The following SHANK2 variants were observed in gnomAD, a reference collection of about 807,000 sequenced individuals.
SHANK2 encodes the protein SH3 and multiple ankyrin repeat domains protein 2.
Under a neutral mutation model 133.7 loss-of-function variants are expected in SHANK2, and 43 were observed. The ratio of observed to expected loss-of-function variants is 0.32; its 90% CI spans 0.25 to 0.41. The LOEUF is 0.41. SHANK2 is among the 10% of genes least tolerant of loss of function. SHANK2 has a pLI of 1.00. For synonymous variants in SHANK2, 1,017 were observed against 952.8 expected, an observed-to-expected ratio of 1.07 and a Z score of -1.24; for missense variants, 1,994 against 2,235.8, an observed-to-expected ratio of 0.89 and a Z score of 2.18.
In SHANK2 at chr11:70,940,675, A is replaced by G. The variant is rs188646472; in HGVS notation, c.1108-44108T>C. 5.0e-4 allele frequency among the ~76,000 whole-genome samples: 76 copies of G among 152,204 alleles called. No individual in the cohort carries two copies. In the East Asian group the frequency reaches 0.014, roughly 27 times the overall value. The stretch of plus-strand genomic sequence containing the variant: ...AGAGGATAAATTATAACTGCCATAA[A>G]CCATTGTCAAAAGGGGTGACAGCAA... On this transcript the variant is annotated intron_variant, in intron 10 of 25. Coordinates refer to ENST00000601538, the MANE Select transcript of SHANK2 (RefSeq NM_012309.5).
At chr11:70,751,991 G>T (rs1399023808) in intron 14 of SHANK2, among the ~76,000 whole-genome samples, 2 of 151,978 alleles carry the variant, frequency 1.3e-5, no homozygotes, top group African/African-American at 2.4e-5. Flanking sequence ...TAGAAAATAA[G>T]AAATAAAATG....
At chr11:70,519,889 T>C (rs2135923066) in intron 17 of SHANK2, among the ~76,000 whole-genome samples, 1 of 150,630 alleles carries the variant, frequency 6.6e-6, no homozygotes, top group Admixed American at 6.6e-5. Flanking sequence ...ACCACAGGCA[T>C]GCACCACCAT....
chr11:71,088,170 G>A (rs1951444306), intron 8 of SHANK2, among the ~76,000 whole-genome samples: 1 of 152,186 alleles, frequency 6.6e-6, no homozygotes, highest in Admixed American at 6.5e-5. Flanking sequence ...AAGAGATTCT[G>A]CCAGAGACAA....
chr11:70,636,729 T>C (rs1309272753), intron 17 of SHANK2, among the ~76,000 whole-genome samples: 1 of 150,156 alleles, frequency 6.7e-6, no homozygotes, highest in Non-Finnish European at 1.5e-5. Context: ...GGATGCATGA[T>C]GTGTGAATAT....
intron 8 of SHANK2, among the ~76,000 whole-genome samples, chr11:71,084,497 G>A (rs1290243099): frequency 2.0e-5 from 3 of 152,342 alleles, no homozygotes; most frequent in South Asian, 2.1e-4. Context: ...GGCTGTGGCC[G>A]CGCAGGCTCT....
chr11:70,557,765 G>A (rs1335488311), intron 17 of SHANK2, among the ~76,000 whole-genome samples: 2 of 152,274 alleles, frequency 1.3e-5, no homozygotes, highest in South Asian at 2.1e-4. Context: ...CAGTGATCCC[G>A]AGGAGGCTGG....
At chr11:70,579,170 G>A (rs1440646581) in intron 17 of SHANK2, among the ~76,000 whole-genome samples, 1 of 152,210 alleles carries the variant, frequency 6.6e-6, no homozygotes, top group Non-Finnish European at 1.5e-5. Context: ...CTGGCAAGGT[G>A]GCCAAGGGCA....
intron 17 of SHANK2, among the ~76,000 whole-genome samples, chr11:70,527,176 G>C (rs1325660136): frequency 6.6e-6 from 1 of 152,232 alleles, no homozygotes; most frequent in African/African-American, 2.4e-5. Flanking sequence ...AGAGCCCAGA[G>C]ACCTGGTCCT....
intron 6 of SHANK2, among the ~76,000 whole-genome samples, chr11:71,107,248 G>A (rs1180617047): frequency 6.6e-6 from 1 of 152,202 alleles, no homozygotes; most frequent in African/African-American, 2.4e-5. Context: ...AAGGAAGCAC[G>A]CAGGCATTCT....
chr11:70,485,734 G>A lies in SHANK2; in HGVS notation c.4559C>T (p.Ser1520Phe). ...GTCCACATTCTCTCCACCTTCGGAA[G>A]ACAGGGTGGAGATGCTAGACACGGT... ...ISTVSSISTLSSEGGENVDTC... is the reference protein window; with the variant it reads ...ISTVSSISTLFSEGGENVDTC... The change falls in exon 25 of 26, where the codon TCT becomes TTT. Residue 1520 changes from serine (S) to phenylalanine (F), a missense_variant. Coordinates refer to ENST00000601538, the MANE Select transcript of SHANK2 (RefSeq NM_012309.5). This position sits in a 1 kb window ranked among gnomAD's most constrained non-coding sequence, Gnocchi z 5.8. 6.2e-7 allele frequency: 1 copy of A among 1,614,106 alleles called. No individual in the cohort carries two copies. The highest frequency in any genetic ancestry group is 8.5e-7 in the Non-Finnish European group (1 of 1,180,026).
chr11:70,576,802 A>T (rs1554984385), intron 17 of SHANK2, among the ~76,000 whole-genome samples: 1 of 152,202 alleles, frequency 6.6e-6, no homozygotes, highest in Non-Finnish European at 1.5e-5. Context: ...AACAGGTTTC[A>T]TCATACCCTT....
intron 15 of SHANK2, among the ~76,000 whole-genome samples, chr11:70,673,866 C>T (rs746151630): frequency 3.3e-5 from 5 of 152,228 alleles, no homozygotes; most frequent in Non-Finnish European, 7.3e-5. Context: ...ACTGGTGTCA[C>T]CAGAGGGGCA....
rs1555149179 is a variant in SHANK2 at position 70,473,247 on chromosome 11, G to A, written c.5172C>T (p.Ala1724=). The part of the protein sequence containing the change: ...PTEMNKETLP[A]PLSAATASPS... ...GAGAGGCGGTGGCAGCAGACAGGGGGGCGGGCAGGGTCTCTTTGTTCATCT... is the reference window on the plus strand; with the variant it reads ...GAGAGGCGGTGGCAGCAGACAGGGGAGCGGGCAGGGTCTCTTTGTTCATCT... The change falls in exon 26 of 26, where the codon GCC becomes GCT. Residue 1724 remains alanine (A), a synonymous_variant. Transcript: ENST00000601538. This position sits in a 1 kb window ranked among gnomAD's most constrained non-coding sequence, Gnocchi z 5.9. 3 of 1,610,532 alleles carry A rather than the reference G, an allele frequency of 1.9e-6. No homozygotes were observed. The highest frequency in any genetic ancestry group is 1.1e-5 in the South Asian group (1 of 91,044).
chr11:71,068,879 T>C (rs1951103854), intron 9 of SHANK2, among the ~76,000 whole-genome samples: 1 of 150,690 alleles, frequency 6.6e-6, no homozygotes, highest in Non-Finnish European at 1.5e-5. Flanking sequence ...ATCATCATGA[T>C]TACCATCACC....
At chr11:70,648,422 G>T (rs1473620342) in intron 17 of SHANK2, among the ~76,000 whole-genome samples, 1 of 152,240 alleles carries the variant, frequency 6.6e-6, no homozygotes, top group Non-Finnish European at 1.5e-5. Flanking sequence ...TTGTTATGCG[G>T]ACACTGTCTC....
chr11:70,876,588 TACACACAC>T lies in SHANK2; in HGVS notation c.1174+19905_1174+19912del, dbSNP rs3064230. 4.7e-3 allele frequency among the ~76,000 whole-genome samples: 641 copies of T among 135,458 alleles called. 9 individuals carry two copies. Among genetic ancestry groups the T allele is most frequent in the South Asian group, 7.1e-3 (30 of 4,234 alleles). 88.9% of individuals were successfully genotyped at this position (135,458 alleles called of 152,430 possible). On this transcript the variant is annotated intron_variant, in intron 11 of 25. Transcript: ENST00000601538. ...AAAAGAAAAAAAAAGAAAAAAATTATACACACACACACACACACACACGCACACACACA... is the reference window on the plus strand; with the variant it reads ...AAAAGAAAAAAAAAGAAAAAAATTATACACACACACACACGCACACACACA...
intron 12 of SHANK2, among the ~76,000 whole-genome samples, chr11:70,810,718 G>A (rs370648461): frequency 3.9e-5 from 6 of 152,294 alleles, no homozygotes; most frequent in African/African-American, 1.4e-4. Context: ...GTGGTAGAGG[G>A]TGGGGGTAGG....
intron 14 of SHANK2, among the ~76,000 whole-genome samples, chr11:70,788,095 A>G (rs1947708920): frequency 6.6e-6 from 1 of 152,242 alleles, no homozygotes; most frequent in African/African-American, 2.4e-5. Flanking sequence ...ACTCCAGTGC[A>G]TACATGATAT....
At chr11:71,071,804 C>T (rs1951146532) in intron 9 of SHANK2, among the ~76,000 whole-genome samples, 1 of 152,094 alleles carries the variant, frequency 6.6e-6, no homozygotes, top group Non-Finnish European at 1.5e-5. Context: ...CTTGAGATTC[C>T]ACCCCGGAGG....
Sources: gnomAD v4.1 joint callset for allele counts (sites outside exome capture counted in the v4.1 genomes callset) on GRCh38, gnomAD v4.1.1 for gene constraint, Gnocchi (gnomAD v3.1) non-coding constraint, MANE v1.5 for transcripts, NCBI Gene and HGNC (gene_info 2026-07-23, HGNC 2026-07-21) for gene names.